The following ADA variants were observed in gnomAD, a reference collection of about 807,000 sequenced individuals.
ADA encodes the protein adenosine aminohydrolase.
A neutral mutation model predicts 49.0 loss-of-function variants in ADA; 45 were observed. That is an observed-to-expected ratio of 0.92 (90% CI 0.72 to 1.18). ADA has a LOEUF of 1.18. ADA is among the 50% of genes most tolerant of loss of function. The pLI, the probability that ADA is intolerant of heterozygous loss-of-function variation, is 0.00. For synonymous variants in ADA, 173 were observed against 184.2 expected, an observed-to-expected ratio of 0.94 and a Z score of 0.49; for missense variants, 445 against 472.5, an observed-to-expected ratio of 0.94 and a Z score of 0.54.
intron 2 of ADA, among the ~76,000 whole-genome samples, chr20:44,634,751 C>A (rs1416102591): frequency 6.6e-6 from 1 of 152,246 alleles, no homozygotes; most frequent in African/African-American, 2.4e-5. Context: ...CCAGAAATCT[C>A]TCAGGGAGTT....
intron 3 of ADA, 34 bp from the exon 4 acceptor site, chr20:44,626,633 TC>T: frequency 6.2e-7 from 1 of 1,612,588 alleles, no homozygotes; most frequent in Non-Finnish European, 8.5e-7. Context: ...GGAACAACCT[TC>T]CCCAAGTCCC....
At chr20:44,647,536 TC>T (rs2065603805) in intron 1 of ADA, among the ~76,000 whole-genome samples, 1 of 152,028 alleles carries the variant, frequency 6.6e-6, no homozygotes, top group African/African-American at 2.4e-5. Flanking sequence ...CCCTGGCAAG[TC>T]CCTCCACTCC....
At chr20:44,630,431 C>T (rs1477091648) in intron 2 of ADA, among the ~76,000 whole-genome samples, 2 of 150,646 alleles carry the variant, frequency 1.3e-5, no homozygotes, top group South Asian at 2.1e-4. Flanking sequence ...GGAAACAGCA[C>T]AGAGAACAGA....
intron 1 of ADA, among the ~76,000 whole-genome samples, chr20:44,649,768 C>G (rs2065625716): frequency 7.6e-6 from 1 of 131,880 alleles, no homozygotes; most frequent in East Asian, 2.5e-4. Flanking sequence ...CAGCGTCTCA[C>G]TCTGTCACCC....
At chr20:44,651,395 C>T (rs922992463) in intron 1 of ADA, among the ~76,000 whole-genome samples, 180 bp downstream of exon 1, 7 of 152,238 alleles carry the variant, frequency 4.6e-5, no homozygotes, top group African/African-American at 1.7e-4. Context: ...TCTGGACCTT[C>T]TCTGCCCCAT....
chr20:44,630,875 G>A (rs1386025584), intron 2 of ADA, among the ~76,000 whole-genome samples: 2 of 152,096 alleles, frequency 1.3e-5, no homozygotes, highest in Non-Finnish European at 2.9e-5. Flanking sequence ...TTCACCAGGC[G>A]TGGTGGCGTG....
chr20:44,619,764 G>T lies in ADA; in HGVS notation c.*70C>A, dbSNP rs1600914159. On this transcript the variant is annotated 3_prime_UTR_variant, in exon 12 of 12. Transcript: ENST00000372874. ...CATGGTCTTCTTGGAAGGAATAAAT[G>T]TAAAAATGTTGCTCAGCCCCACAGA... The T allele has an allele frequency of 1.3e-6, 2 of 1,587,550 alleles. No homozygotes were observed. Among genetic ancestry groups the T allele is most frequent in the African/African-American group, 2.7e-5 (2 of 74,036 alleles).
intron 2 of ADA, among the ~76,000 whole-genome samples, chr20:44,634,390 C>T (rs2065460850): frequency 1.3e-5 from 2 of 152,330 alleles, no homozygotes; most frequent in East Asian, 1.9e-4. Flanking sequence ...AAGCATTTTA[C>T]GGGCGTCACT....
At chr20:44,640,130 T>A (rs1427995976) in intron 1 of ADA, among the ~76,000 whole-genome samples, 1 of 152,052 alleles carries the variant, frequency 6.6e-6, no homozygotes, top group Non-Finnish European at 1.5e-5. Context: ...TTACCTTATA[T>A]GGGTCGGGCG....
intron 2 of ADA, among the ~76,000 whole-genome samples, chr20:44,634,635 C>A (rs567935147): frequency 3.2e-4 from 49 of 152,366 alleles, no homozygotes; most frequent in African/African-American, 1.2e-3. Context: ...ACAGGAGGTG[C>A]TACTGTGCTT....
chr20:44,620,501 G>GAT, intron 10 of ADA, 100 bp from the exon 11 acceptor site: 1 of 983,164 alleles, frequency 1.0e-6, no homozygotes. Context: ...AACATGGGCA[G>GAT]ATACGCTTAG....
In ADA at chr20:44,649,744, T is replaced by TA. The variant is rs2065625087; in HGVS notation, c.33+1830_33+1831insT. 2.1e-5 allele frequency among the ~76,000 whole-genome samples: 3 copies of TA among 146,008 alleles called. No homozygotes were observed. In the South Asian group the frequency reaches 6.9e-4, roughly 33 times the overall value. On this transcript the variant is annotated intron_variant, in intron 1 of 11. Coordinates refer to ENST00000372874, the MANE Select transcript of ADA (RefSeq NM_000022.4). ...AATCAAGGAGCCTTTTTTTTTTTTT[T>TA]TTTTTTTTTGAGACAGCGTCTCACT... is the stretch of plus-strand genomic sequence containing the variant.
chr20:44,622,414 T>C (rs999025637), intron 9 of ADA, among the ~76,000 whole-genome samples, 174 bp downstream of exon 9: 7 of 152,234 alleles, frequency 4.6e-5, no homozygotes, highest in African/African-American at 1.7e-4. Context: ...ACAGCACATC[T>C]GGGCCTCGGA....
intron 1 of ADA, 134 bp downstream of exon 1, chr20:44,651,435 GGCCTAA>G: frequency 1.1e-6 from 1 of 873,084 alleles, no homozygotes; most frequent in Non-Finnish European, 1.7e-6. Flanking sequence ...AGCAAGCCAC[GGCCTAA>G]GCCGAAGGAA....
chr20:44,620,368 C>A lies in ADA; in HGVS notation c.1009G>T (p.Glu337Ter). 1 of 1,614,216 alleles carries A rather than the reference C, an allele frequency of 6.2e-7. No individual in the cohort carries two copies. The highest frequency in any genetic ancestry group is 8.5e-7 in the Non-Finnish European group (1 of 1,180,044). ...INAAKSSFLP[E>*]DEKRELLDLL... ...TCGAGAAGCTCCCTCTTTTCATCTT[C>A]TGGGAGGAAACTAGATTTGGCCGCA... Residue 337 changes from glutamate (E) to a stop codon, truncating the protein, a stop_gained, in exon 11 of 12, where the codon GAA becomes TAA. Transcript: ENST00000372874. LOFTEE classifies it high-confidence loss of function.
At position 44,651,593 on chromosome 20, in the gene ADA, G is replaced by A. The variant is rs1377009879; in HGVS notation, c.15C>T (p.Pro5=). Reference sequence around the variant, plus strand: ...CGCTCACTTTGGGCTTGTCGAAGGCGGGCGTCTGGGCCATGGTGCCCTCGT... The same window carrying A: ...CGCTCACTTTGGGCTTGTCGAAGGCAGGCGTCTGGGCCATGGTGCCCTCGT... The part of the protein sequence containing the change: MAQT[P]AFDKPKVELH... The change falls in exon 1 of 12, where the codon CCC becomes CCT. Residue 5 remains proline, a synonymous_variant. Coordinates refer to ENST00000372874, the MANE Select transcript of ADA (RefSeq NM_000022.4). The A allele has an allele frequency of 6.5e-7, 1 of 1,539,766 alleles. No homozygotes were observed. Among genetic ancestry groups the A allele is most frequent in the Admixed American group, 1.9e-5 (1 of 52,392 alleles).
chr20:44,624,043 G>A, intron 6 of ADA, 159 bp downstream of exon 6: 1 of 1,064,320 alleles, frequency 9.4e-7, no homozygotes, highest in Non-Finnish European at 1.4e-6. Flanking sequence ...ACCACGCCTG[G>A]CCCAGGGGGA....
intron 5 of ADA, among the ~76,000 whole-genome samples, chr20:44,625,060 T>A (rs2065369223): frequency 6.6e-6 from 1 of 152,222 alleles, no homozygotes; most frequent in Non-Finnish European, 1.5e-5. Context: ...CTTGTGACAG[T>A]GCACAACTGA....
chr20:44,625,347 A>G (rs1463144167), intron 5 of ADA, among the ~76,000 whole-genome samples: 1 of 151,960 alleles, frequency 6.6e-6, no homozygotes, highest in African/African-American at 2.4e-5. Context: ...CAGGGTGGCT[A>G]TAAAGGCATG....
Sources: gnomAD v4.1 joint callset for allele counts (sites outside exome capture counted in the v4.1 genomes callset) on GRCh38, gnomAD v4.1.1 for gene constraint, MANE v1.5 for transcripts, NCBI Gene and HGNC (gene_info 2026-07-23, HGNC 2026-07-21) for gene names.